The following PPP2R5A variants were observed in gnomAD, a reference collection of about 807,000 sequenced individuals.
PPP2R5A encodes the protein protein phosphatase 2 regulatory subunit B'alpha, also known as serine/threonine-protein phosphatase 2A 56 kDa regulatory subunit alpha isoform.
In PPP2R5A, 25 loss-of-function variants were observed where a neutral mutation model predicts 64.2. The observed-to-expected ratio is 0.39, with a 90% CI of 0.28 to 0.54. The LOEUF is 0.54. PPP2R5A is among the 20% of genes least tolerant of loss of function. The probability of loss-of-function intolerance (pLI) is 0.67; values close to 1 mark genes in which losing one functional copy is unlikely to be tolerated. For missense variants in PPP2R5A, 425 were observed against 576.3 expected (o/e 0.74, Z 2.69); for synonymous variants, 198 against 201.2 (o/e 0.98, Z 0.13).
At chr1:212,322,244 GGAGGGAGAGGGA>G (rs954340385) in intron 1 of PPP2R5A, among the ~76,000 whole-genome samples, 6 of 113,402 alleles carry the variant, frequency 5.3e-5, no homozygotes, top group African/African-American at 9.2e-5. Flanking sequence ...GAGAGGGAGA[GGAGGGAGAGGGA>G]GAGGGAGAGG....
At chr1:212,304,207 A>T (rs553552326) in intron 1 of PPP2R5A, among the ~76,000 whole-genome samples, 4 of 152,192 alleles carry the variant, frequency 2.6e-5, no homozygotes, top group Admixed American at 6.5e-5. Flanking sequence ...AGAATCACTT[A>T]ATTTCCAAAG....
chr1:212,342,089 C>T (rs1659695232), intron 3 of PPP2R5A, 99 bp from the exon 4 acceptor site: 1 of 1,445,564 alleles, frequency 6.9e-7, no homozygotes, highest in Non-Finnish European at 9.2e-7. Flanking sequence ...AATCTCCCCA[C>T]TAAGTTGGTA....
chr1:212,304,947 G>A (rs1167411669), intron 1 of PPP2R5A, among the ~76,000 whole-genome samples: 1 of 151,412 alleles, frequency 6.6e-6, no homozygotes, highest in Non-Finnish European at 1.5e-5. Context: ...TGGCCAGGAT[G>A]GTCTTGATCT....
chr1:212,358,534 G>A (rs1364950484), intron 11 of PPP2R5A, 152 bp from the exon 12 acceptor site: 1 of 529,430 alleles, frequency 1.9e-6, no homozygotes, highest in African/African-American at 2.0e-5. Flanking sequence ...ATGACCTTGA[G>A]CATATTACAA....
chr1:212,342,321 T>TAA, intron 4 of PPP2R5A, 41 bp downstream of exon 4: 1 of 1,586,170 alleles, frequency 6.3e-7, no homozygotes. Context: ...ATATTCATCT[T>TAA]AGCAATGATT....
chr1:212,316,336 G>A (rs1466766226), intron 1 of PPP2R5A, among the ~76,000 whole-genome samples: 1 of 152,140 alleles, frequency 6.6e-6, no homozygotes, highest in Non-Finnish European at 1.5e-5. Context: ...AAGCAAAACA[G>A]CCTTATTGTT....
Position 212,309,113 on chromosome 1 carries a change from CCTT to C in PPP2R5A, c.182-20016_182-20014del, listed in dbSNP as rs1273967691. On this transcript the variant is annotated intron_variant, in intron 1 of 12. Coordinates refer to ENST00000261461, the MANE Select transcript of PPP2R5A (RefSeq NM_006243.4). ...TAATCAGGAGCCAGTCAAACATATG[CCTT>C]CTTCTCTCCATCAGGCCGAATCAGG... The C allele has an allele frequency of 6.2e-6, 6 of 962,548 alleles. No homozygotes were observed. In the African/African-American group the frequency reaches 6.4e-5, roughly 10 times the overall value. The allele number at this position is 962,548 out of a possible 1,614,324, so 59.6% of individuals were successfully genotyped here.
chr1:212,315,057 A>G (rs1339870497), intron 1 of PPP2R5A, among the ~76,000 whole-genome samples: 1 of 152,242 alleles, frequency 6.6e-6, no homozygotes, highest in African/African-American at 2.4e-5. Context: ...TACTAAGAAT[A>G]GAAAATGAAT....
intron 1 of PPP2R5A, among the ~76,000 whole-genome samples, chr1:212,318,147 G>C (rs1170245600): frequency 6.6e-6 from 1 of 152,140 alleles, no homozygotes; most frequent in Non-Finnish European, 1.5e-5. Flanking sequence ...GGCCATGCAG[G>C]GATTTTTACA....
At chr1:212,343,348 G>T (rs1023977974) in intron 4 of PPP2R5A, among the ~76,000 whole-genome samples, 1 of 152,228 alleles carries the variant, frequency 6.6e-6, no homozygotes, top group Non-Finnish European at 1.5e-5. Context: ...GAGTATGCAG[G>T]CCTCTTTAGG....
intron 2 of PPP2R5A, among the ~76,000 whole-genome samples, chr1:212,329,880 T>G (rs1774252): frequency 0.84 from 126,833 of 151,546 alleles, 53,563 homozygotes; most frequent in African/African-American, 0.96. Flanking sequence ...TCCTGACACG[T>G]TGATCGACCT....
rs374918869 is a variant in PPP2R5A, at chr1:212,320,915, C to T, written c.182-8220C>T. On this transcript the variant is annotated intron_variant, in intron 1 of 12. Coordinates refer to ENST00000261461, the MANE Select transcript of PPP2R5A (RefSeq NM_006243.4). ...GTAGAGGCGCCCCTCACCTCCCGGA[C>T]GGGGCGGCTGGCCGGGCGGGGGGCT... Among the ~76,000 whole-genome samples the T allele has an allele frequency of 9.4e-3, 885 of 94,040 alleles. 2 individuals carry two copies. Among genetic ancestry groups the T allele is most frequent in the Non-Finnish European group, 9.7e-3 (438 of 45,322 alleles). 61.7% of individuals were successfully genotyped at this position (94,040 alleles called of 152,430 possible).
At chr1:212,300,623 C>T (rs904572547) in intron 1 of PPP2R5A, among the ~76,000 whole-genome samples, 4 of 151,974 alleles carry the variant, frequency 2.6e-5, no homozygotes, top group African/African-American at 9.7e-5. Context: ...TGTTCAATAG[C>T]CTATTATTTT....
intron 6 of PPP2R5A, 130 bp downstream of exon 6, chr1:212,347,536 T>C (rs1438414608): frequency 2.1e-5 from 14 of 670,718 alleles, no homozygotes; most frequent in Non-Finnish European, 3.4e-5. Flanking sequence ...GTTTCTCAAC[T>C]GAAGTCTTTT....
intron 3 of PPP2R5A, among the ~76,000 whole-genome samples, chr1:212,338,159 C>T (rs1483891016): frequency 6.6e-6 from 1 of 152,126 alleles, no homozygotes; most frequent in African/African-American, 2.4e-5. Flanking sequence ...TCTGTTGGAA[C>T]TTCTCCCAAG....
chr1:212,325,542 A>G (rs1186285761), intron 1 of PPP2R5A, among the ~76,000 whole-genome samples: 1 of 152,166 alleles, frequency 6.6e-6, no homozygotes, highest in African/African-American at 2.4e-5. Flanking sequence ...AGTTTGTATT[A>G]CTATTAGCGT....
chr1:212,318,492 CAGGTTATTACATAT>C (rs1659201471), intron 1 of PPP2R5A, among the ~76,000 whole-genome samples: 2 of 152,130 alleles, frequency 1.3e-5, no homozygotes, highest in Admixed American at 1.3e-4. Context: ...GTTGATACTG[CAGGTTATTACATAT>C]ATTAAGTGCA....
intron 5 of PPP2R5A, 97 bp downstream of exon 5, chr1:212,346,030 C>A: frequency 8.3e-7 from 1 of 1,208,314 alleles, no homozygotes; most frequent in Non-Finnish European, 1.1e-6. Context: ...GAGACAGGGT[C>A]TCACTCTGTC....
intron 1 of PPP2R5A, among the ~76,000 whole-genome samples, chr1:212,318,696 C>CA (rs1456088446): frequency 6.6e-6 from 1 of 152,080 alleles, no homozygotes; most frequent in Non-Finnish European, 1.5e-5. Context: ...AACCTTGGAT[C>CA]AAAAATACTC....
Sources: allele counts gnomAD v4.1 joint callset (sites outside exome capture counted in the v4.1 genomes callset), GRCh38; gene constraint gnomAD v4.1.1; transcripts MANE v1.5; gene names NCBI Gene and HGNC (gene_info 2026-07-23, HGNC 2026-07-21).